EFR3B: variants seen among roughly 807,000 people sequenced by gnomAD.
EFR3B encodes the protein protein EFR3 homolog B.
EFR3B carries 64 observed loss-of-function variants against 104.7 expected under a neutral mutation model. The observed-to-expected ratio is 0.61, with a 90% confidence interval of 0.50 to 0.75. The LOEUF (loss-of-function observed/expected upper bound fraction) is 0.75. Ranked by LOEUF, EFR3B falls within the 30% of genes least tolerant of loss-of-function variation. EFR3B has a pLI of 0.00. For synonymous variants in EFR3B, 385 were observed against 417.9 expected, an observed-to-expected ratio of 0.92 and a Z score of 0.96; for missense variants, 750 against 1,078.5, an observed-to-expected ratio of 0.70 and a Z score of 4.27.
intron 19 of EFR3B, chr2:25,146,023 C>T (rs1041019149): frequency 6.6e-6 from 1 of 151,760 alleles, no homozygotes; most frequent in South Asian, 2.1e-4. Context: ...TCATTTCCTG[C>T]CCTAAAACCC....
intron 1 of EFR3B, among the ~76,000 whole-genome samples, chr2:25,071,110 G>A (rs574851270): frequency 8.8e-4 from 134 of 152,050 alleles, no homozygotes; most frequent in Admixed American, 4.8e-3. Flanking sequence ...ACAGGCACCC[G>A]TCACCATGCC....
chr2:25,093,791 A>G (rs967643054), intron 3 of EFR3B, among the ~76,000 whole-genome samples: 1 of 152,164 alleles, frequency 6.6e-6, no homozygotes, highest in Non-Finnish European at 1.5e-5. Flanking sequence ...TACTGTCTTG[A>G]AAACAAAGGA....
chr2:25,156,024 C>T lies in EFR3B; in HGVS notation c.*1684C>T, dbSNP rs1671157780. ...TGGAGTCAGAAGCAGGCTGTTTCTC[C>T]TCAGGGGAGGGCAGGCTTCTCAGGA... is the stretch of plus-strand genomic sequence containing the variant. On this transcript the variant is annotated 3_prime_UTR_variant, in exon 23 of 23. Transcript: ENST00000403714. 1 of 152,072 alleles carries T rather than the reference C, an allele frequency of 6.6e-6. No homozygotes were observed. Among genetic ancestry groups the T allele is most frequent in the Non-Finnish European group, 1.5e-5 (1 of 68,074 alleles). The allele number at this position is 152,072 out of a possible 1,614,324, so 9.4% of individuals were successfully genotyped here. A position where few individuals can be genotyped will look rare whatever the true frequency, so the allele number is the denominator to read the frequency against.
chr2:25,125,257 G>A (rs572197814), intron 5 of EFR3B, among the ~76,000 whole-genome samples: 2 of 152,284 alleles, frequency 1.3e-5, no homozygotes, highest in South Asian at 4.1e-4. Flanking sequence ...TAATTCACAT[G>A]TACACATAAG....
rs1470525329 is a variant in EFR3B at position 25,114,798 on chromosome 2, A to C, written c.364-6875A>C. Among the ~76,000 whole-genome samples the C allele has an allele frequency of 6.6e-6, 1 of 152,188 alleles. No homozygotes were observed. The highest frequency in any genetic ancestry group is 6.5e-5 in the Admixed American group (1 of 15,286). On this transcript the variant is annotated intron_variant, in intron 4 of 22. Coordinates refer to ENST00000403714, the MANE Select transcript of EFR3B (RefSeq NM_014971.2). The surrounding 1 kb of genome is among the most constrained non-coding windows in gnomAD (Gnocchi z 4.0). ...TTTCTTCCCCTGACCCTGCCTCAGA[A>C]CATTTCTATAGCTGTGGGACCAGTT... is the stretch of plus-strand genomic sequence containing the variant.
intron 17 of EFR3B, among the ~76,000 whole-genome samples, 178 bp from the exon 18 acceptor site, chr2:25,143,557 G>C (rs974898427): frequency 1.3e-5 from 2 of 152,104 alleles, no homozygotes; most frequent in Non-Finnish European, 2.9e-5. Flanking sequence ...CTACTCGGGA[G>C]GCTGAGGCAG....
In EFR3B at chr2:25,058,774, CCA is replaced by C. The variant is rs796999865; in HGVS notation, c.7+16456_7+16457del. Among the ~76,000 whole-genome samples, 281 of 141,094 alleles carry C rather than the reference CCA, an allele frequency of 2.0e-3. 5 individuals carry two copies. Among genetic ancestry groups the C allele is most frequent in the African/African-American group, 7.6e-3 (272 of 35,922 alleles). 92.6% of individuals were successfully genotyped at this position (141,094 alleles called of 152,430 possible). A position where few individuals can be genotyped will look rare whatever the true frequency, so the allele number is the denominator to read the frequency against. ...ACTCTGTCTCCCCGCGCCCCCCCCC[CCA>C]AAAAAAAAAACAATAACCAAGTGTT... On this transcript the variant is annotated intron_variant, in intron 1 of 22. Coordinates refer to ENST00000403714, the MANE Select transcript of EFR3B (RefSeq NM_014971.2).
intron 4 of EFR3B, among the ~76,000 whole-genome samples, chr2:25,112,541 A>G (rs1187998755): frequency 6.6e-6 from 1 of 152,226 alleles, no homozygotes; most frequent in East Asian, 1.9e-4. Flanking sequence ...TTAAGATGGG[A>G]TGGACTGTGC....
At chr2:25,140,933 C>T (rs1424144589) in intron 16 of EFR3B, among the ~76,000 whole-genome samples, 10 of 151,142 alleles carry the variant, frequency 6.6e-5, no homozygotes, top group African/African-American at 1.9e-4. Flanking sequence ...CTCAGTTACT[C>T]GGGAGGCTGA....
chr2:25,118,635 A>G (rs935618856), intron 4 of EFR3B, among the ~76,000 whole-genome samples: 6 of 150,974 alleles, frequency 4.0e-5, no homozygotes, highest in African/African-American at 7.3e-5. Context: ...AGCGTATGTC[A>G]AAAACAGCAA....
At chr2:25,051,636 TG>T (rs1427550582) in intron 1 of EFR3B, among the ~76,000 whole-genome samples, 68 of 94,276 alleles carry the variant, frequency 7.2e-4, no homozygotes, top group East Asian at 6.3e-3. Flanking sequence ...TGTGTGTGTG[TG>T]TTTTTTTTTT....
At chr2:25,150,488 T>C (rs1670973291) in intron 20 of EFR3B, among the ~76,000 whole-genome samples, 1 of 152,190 alleles carries the variant, frequency 6.6e-6, no homozygotes, top group Non-Finnish European at 1.5e-5. Context: ...GTTACCTCTC[T>C]ATCTGGATCA....
chr2:25,150,435 T>C (rs545557527), intron 20 of EFR3B, among the ~76,000 whole-genome samples: 1 of 152,126 alleles, frequency 6.6e-6, no homozygotes, highest in East Asian at 1.9e-4. Flanking sequence ...TAACGAATCA[T>C]ATGAATGTCT....
chr2:25,049,836 T>C (rs1369045522), intron 1 of EFR3B, among the ~76,000 whole-genome samples: 1 of 150,092 alleles, frequency 6.7e-6, no homozygotes, highest in African/African-American at 2.5e-5. Context: ...GGAGATAGGC[T>C]GGTCGCGGTG....
At chr2:25,084,735 G>A (rs1384706447) in intron 1 of EFR3B, among the ~76,000 whole-genome samples, 2 of 152,186 alleles carry the variant, frequency 1.3e-5, no homozygotes, top group East Asian at 1.9e-4. Flanking sequence ...ACAACTTGAG[G>A]CGAAGGCGGA....
intron 19 of EFR3B, among the ~76,000 whole-genome samples, chr2:25,149,258 G>C (rs1670936894): frequency 6.6e-6 from 1 of 152,116 alleles, no homozygotes; most frequent in South Asian, 2.1e-4. Flanking sequence ...TGAGGCAGAA[G>C]AATCACTTGA....
chr2:25,124,093 C>T (rs1420381143), intron 5 of EFR3B, among the ~76,000 whole-genome samples: 1 of 152,128 alleles, frequency 6.6e-6, no homozygotes, highest in Non-Finnish European at 1.5e-5. Flanking sequence ...ACCCCTTTTT[C>T]CCTGAGATCT....
At chr2:25,100,692 C>G (rs1669408184) in intron 3 of EFR3B, among the ~76,000 whole-genome samples, 1 of 152,226 alleles carries the variant, frequency 6.6e-6, no homozygotes, top group Non-Finnish European at 1.5e-5. Context: ...CGGTGTTTCA[C>G]TGTGTTAGCC....
At chr2:25,149,250 A>G (rs1042820596) in intron 19 of EFR3B, among the ~76,000 whole-genome samples, 4 of 152,158 alleles carry the variant, frequency 2.6e-5, no homozygotes, top group African/African-American at 9.7e-5. Flanking sequence ...TGGGAGGCTG[A>G]GGCAGAAGAA....
Sources: gnomAD v4.1 joint callset for allele counts (sites outside exome capture counted in the v4.1 genomes callset) on GRCh38, gnomAD v4.1.1 for gene constraint, Gnocchi (gnomAD v3.1) non-coding constraint, MANE v1.5 for transcripts, NCBI Gene and HGNC (gene_info 2026-07-23, HGNC 2026-07-21) for gene names.